The following SGCZ variants were observed in gnomAD, a reference collection of about 807,000 sequenced individuals.
SGCZ encodes sarcoglycan zeta, also known as zeta-sarcoglycan.
SGCZ carries 40 observed loss-of-function variants against 41.3 expected under a neutral mutation model. That is an observed-to-expected ratio of 0.97 (90% CI 0.75 to 1.26). The LOEUF is 1.26. Ranked by LOEUF, SGCZ falls within the 50% of genes most tolerant of loss-of-function variation. The pLI is 0.00. For missense variants in SGCZ, 552 were observed against 369.8 expected, an observed-to-expected ratio of 1.49 and a Z score of -4.04; for synonymous variants, 206 against 137.5, an observed-to-expected ratio of 1.50 and a Z score of -3.49.
At chr8:14,522,537 T>C (rs971287176) in intron 2 of SGCZ, among the ~76,000 whole-genome samples, 1 of 151,922 alleles carries the variant, frequency 6.6e-6, no homozygotes, top group African/African-American at 2.4e-5. Flanking sequence ...TCCTTTTTTA[T>C]CCTTTTGATG....
chr8:15,058,534 A>G (rs199899743), intron 1 of SGCZ, among the ~76,000 whole-genome samples: 4 of 152,208 alleles, frequency 2.6e-5, no homozygotes, highest in South Asian at 4.1e-4. Context: ...ATGCACCTTA[A>G]GCTGATTTTA....
At chr8:14,167,815 T>A (rs949364942) in intron 4 of SGCZ, among the ~76,000 whole-genome samples, 1 of 152,166 alleles carries the variant, frequency 6.6e-6, no homozygotes, top group African/African-American at 2.4e-5. Flanking sequence ...GCAGTCTTAA[T>A]CAACAGCCAA....
chr8:14,340,888 G>C (rs963551111), intron 2 of SGCZ, among the ~76,000 whole-genome samples: 2 of 151,958 alleles, frequency 1.3e-5, no homozygotes, highest in Non-Finnish European at 1.5e-5. Flanking sequence ...TCCATCTTAA[G>C]AAATTTTTAT....
intron 2 of SGCZ, among the ~76,000 whole-genome samples, chr8:14,465,285 T>C (rs60315311): frequency 0.16 from 24,886 of 151,698 alleles, 2,342 homozygotes; most frequent in African/African-American, 0.27. Context: ...ATTAAATATT[T>C]TTCCAGTATT....
intron 2 of SGCZ, among the ~76,000 whole-genome samples, chr8:14,409,546 A>C (rs1799305191): frequency 6.6e-6 from 1 of 152,144 alleles, no homozygotes; most frequent in African/African-American, 2.4e-5. Flanking sequence ...TATGGGAATT[A>C]AAGACAGGGA....
At chr8:14,242,134 G>T (rs1027941133) in intron 3 of SGCZ, among the ~76,000 whole-genome samples, 5 of 152,136 alleles carry the variant, frequency 3.3e-5, no homozygotes, top group Non-Finnish European at 7.4e-5. Context: ...GAACAGGCTG[G>T]TGTGACAGAT....
At chr8:14,535,824 T>C (rs1041043006) in intron 2 of SGCZ, among the ~76,000 whole-genome samples, 13 of 151,816 alleles carry the variant, frequency 8.6e-5, no homozygotes, top group African/African-American at 3.1e-4. Context: ...GTATTTTAAT[T>C]ATCCAAGTTA....
At chr8:14,958,079 A>T (rs978596741) in intron 1 of SGCZ, among the ~76,000 whole-genome samples, 1 of 152,090 alleles carries the variant, frequency 6.6e-6, no homozygotes, top group Non-Finnish European at 1.5e-5. Flanking sequence ...TACTCATGAA[A>T]GAATAATTTC....
In SGCZ at chr8:14,615,025, T is replaced by C. The variant is rs553881232; in HGVS notation, c.40-60099A>G. ...GTGTGTGTGTGTGTATATATATATA[T>C]GAAAGCTTGTTACAAAAAGATTAAA... On this transcript the variant is annotated intron_variant, in intron 1 of 7. Transcript: ENST00000382080. Among the ~76,000 whole-genome samples, 253 of 151,420 alleles carry C rather than the reference T, an allele frequency of 1.7e-3. 1 individual carries two copies. Among genetic ancestry groups the C allele is most frequent in the African/African-American group, 5.8e-3 (242 of 41,398 alleles).
intron 2 of SGCZ, among the ~76,000 whole-genome samples, chr8:14,490,843 G>C (rs1435195848): frequency 6.6e-6 from 1 of 151,994 alleles, no homozygotes; most frequent in Non-Finnish European, 1.5e-5. Flanking sequence ...CATTTTAACA[G>C]GTCATTCTTG....
chr8:14,291,097 CAT>C (rs1431648119), intron 3 of SGCZ, among the ~76,000 whole-genome samples: 5 of 152,016 alleles, frequency 3.3e-5, no homozygotes, highest in African/African-American at 1.2e-4. Context: ...AGATATCACT[CAT>C]GTGTGGAATC....
At chr8:14,552,944 C>T (rs1311518090) in intron 2 of SGCZ, among the ~76,000 whole-genome samples, 1 of 151,760 alleles carries the variant, frequency 6.6e-6, no homozygotes, top group East Asian at 1.9e-4. Context: ...TTGAAAGATG[C>T]CTTTGATAGA....
intron 1 of SGCZ, among the ~76,000 whole-genome samples, chr8:14,915,799 C>T (rs567434221): frequency 1.3e-3 from 202 of 152,258 alleles, no homozygotes; most frequent in Non-Finnish European, 2.7e-3. Context: ...TTGCTCTCCT[C>T]TCTCCGTTCT....
At chr8:14,768,457 T>C (rs192557697) in intron 1 of SGCZ, among the ~76,000 whole-genome samples, 1 of 152,206 alleles carries the variant, frequency 6.6e-6, no homozygotes, top group Non-Finnish European at 1.5e-5. Flanking sequence ...GGAATAACAA[T>C]AGAACAAAGA....
At chr8:14,702,740 G>C (rs978330337) in intron 1 of SGCZ, among the ~76,000 whole-genome samples, 6 of 77,552 alleles carry the variant, frequency 7.7e-5, no homozygotes, top group African/African-American at 1.9e-4. Flanking sequence ...ATGATAGATA[G>C]ATAGATAGAT....
At chr8:14,512,068 A>G (rs1055874667) in intron 2 of SGCZ, among the ~76,000 whole-genome samples, 1 of 152,156 alleles carries the variant, frequency 6.6e-6, no homozygotes, top group African/African-American at 2.4e-5. Flanking sequence ...ATCCATCACC[A>G]CAGTAATAAC....
chr8:14,808,753 T>A (rs1178196540), intron 1 of SGCZ, among the ~76,000 whole-genome samples: 1 of 151,810 alleles, frequency 6.6e-6, no homozygotes, highest in African/African-American at 2.4e-5. Context: ...GAACTATAAA[T>A]CATGCTGCTA....
At chr8:14,147,085 C>A (rs531101822) in intron 5 of SGCZ, among the ~76,000 whole-genome samples, 1 of 151,746 alleles carries the variant, frequency 6.6e-6, no homozygotes, top group Non-Finnish European at 1.5e-5. Context: ...TTGCAAGCCT[C>A]ATGGTAATCT....
intron 3 of SGCZ, among the ~76,000 whole-genome samples, chr8:14,277,001 C>T (rs907599127): frequency 6.6e-6 from 1 of 152,326 alleles, no homozygotes; most frequent in Admixed American, 6.5e-5. Flanking sequence ...TGCTCCCACA[C>T]TGTGGAGTGT....
Sources: allele counts gnomAD v4.1 joint callset (sites outside exome capture counted in the v4.1 genomes callset), GRCh38; gene constraint gnomAD v4.1.1; transcripts MANE v1.5; gene names NCBI Gene and HGNC (gene_info 2026-07-23, HGNC 2026-07-21).